NAT10: variants seen among roughly 807,000 people sequenced by gnomAD.
The protein encoded by NAT10 is N-acetyltransferase 10.
Under a neutral mutation model 132.2 loss-of-function variants are expected in NAT10, and 109 were observed. The ratio of observed to expected loss-of-function variants is 0.82; its 90% CI spans 0.71 to 0.97. NAT10 has a LOEUF of 0.97. NAT10 is among the 50% of genes least tolerant of loss of function. NAT10 has a pLI of 0.00. For missense variants in NAT10, 1,184 were observed against 1,263.4 expected (o/e 0.94, Z 0.95); for synonymous variants, 479 against 478.0 (o/e 1.00, Z -0.03).
intron 21 of NAT10, among the ~76,000 whole-genome samples, chr11:34,137,756 G>A (rs916990379): frequency 2.0e-5 from 3 of 152,234 alleles, no homozygotes; most frequent in Admixed American, 1.3e-4. Flanking sequence ...GAGGAATGAA[G>A]AGGAGGACAC....
chr11:34,145,115 G>C (rs1852415800), intron 28 of NAT10, among the ~76,000 whole-genome samples: 1 of 152,218 alleles, frequency 6.6e-6, no homozygotes, highest in Non-Finnish European at 1.5e-5. Context: ...GAGCACGGTG[G>C]CTTTGACTGG....
In NAT10 at chr11:34,105,701, C is replaced by T. The variant is rs1166271376; in HGVS notation, c.-107C>T. The T allele has an allele frequency of 6.6e-6, 1 of 152,370 alleles. No homozygotes were observed. The highest frequency in any genetic ancestry group is 1.5e-5 in the Non-Finnish European group (1 of 68,102). The allele number at this position is 152,370 out of a possible 1,614,324, so 9.4% of individuals were successfully genotyped here. A position where few individuals can be genotyped will look rare whatever the true frequency, so the allele number is the denominator to read the frequency against. Reference sequence around the variant, plus strand: ...CCGGACACCAGGCATACGCTAGGGGCAGTCAGCTGTGCCTTCTCTTTCGGA... The same window carrying T: ...CCGGACACCAGGCATACGCTAGGGGTAGTCAGCTGTGCCTTCTCTTTCGGA... On this transcript the variant is annotated 5_prime_UTR_variant, in exon 1 of 29. Transcript: ENST00000257829.
In NAT10 at chr11:34,139,385, A is replaced by T; in HGVS notation, c.2309A>T (p.Asp770Val). Reference protein sequence around the residue: ...QGGWLAAFWKDFRRRFLALLS... With the variant: ...QGGWLAAFWKVFRRRFLALLS... ...AACTCTGCGTGATGGCACCCCACAGATTTCCGACGGCGGTTCCTAGCCTTG... is the reference window on the plus strand; with the variant it reads ...AACTCTGCGTGATGGCACCCCACAGTTTTCCGACGGCGGTTCCTAGCCTTG... Residue 770 changes from aspartate (D) to valine (V), a missense_variant and splice_region_variant, in exon 23 of 29, where the codon GAT (aspartate) becomes GTT (valine). Coordinates refer to ENST00000257829, the MANE Select transcript of NAT10 (RefSeq NM_024662.3). The T allele has an allele frequency of 1.9e-6, 3 of 1,614,050 alleles. No homozygotes were observed. The highest frequency in any genetic ancestry group is 2.5e-6 in the Non-Finnish European group (3 of 1,179,988).
At chr11:34,132,021 C>T (rs569838843) in intron 14 of NAT10, 104 bp from the exon 15 acceptor site, 1 of 845,256 alleles carries the variant, frequency 1.2e-6, no homozygotes, top group East Asian at 2.4e-5. Context: ...GCTTAGGACA[C>T]TGAGCTCCTG....
At chr11:34,130,642 C>CTGCCTCCT (rs1852087524) in intron 12 of NAT10, among the ~76,000 whole-genome samples, 171 bp from the exon 13 acceptor site, 1 of 152,252 alleles carries the variant, frequency 6.6e-6, no homozygotes, top group African/African-American at 2.4e-5. Flanking sequence ...CCGTGCCACC[C>CTGCCTCCT]TGCCTCCTTT....
intron 21 of NAT10, among the ~76,000 whole-genome samples, chr11:34,137,305 G>C (rs1852234924): frequency 6.6e-6 from 1 of 152,224 alleles, no homozygotes; most frequent in African/African-American, 2.4e-5. Context: ...TGGGAAAGGA[G>C]AGTGGACAGG....
At chr11:34,144,468 T>C (rs1003486962) in intron 28 of NAT10, among the ~76,000 whole-genome samples, 1 of 152,262 alleles carries the variant, frequency 6.6e-6, no homozygotes, top group Non-Finnish European at 1.5e-5. Flanking sequence ...AGCCGGATAC[T>C]AATGTCTGTG....
chr11:34,109,866 C>T (rs560306974), intron 3 of NAT10, among the ~76,000 whole-genome samples: 1 of 152,188 alleles, frequency 6.6e-6, no homozygotes, highest in Non-Finnish European at 1.5e-5. Flanking sequence ...TGTTGTCCCC[C>T]TAGCAGAAAC....
chr11:34,139,388 T>A lies in NAT10; in HGVS notation c.2312T>A (p.Phe771Tyr), dbSNP rs764263367. Reference protein sequence around the residue: ...GGWLAAFWKDFRRRFLALLSY... With the variant: ...GGWLAAFWKDYRRRFLALLSY... Reference sequence around the variant, plus strand: ...TCTGCGTGATGGCACCCCACAGATTTCCGACGGCGGTTCCTAGCCTTGCTC... The same window carrying A: ...TCTGCGTGATGGCACCCCACAGATTACCGACGGCGGTTCCTAGCCTTGCTC... Residue 771 changes from phenylalanine (F) to tyrosine (Y), a missense_variant, in exon 23 of 29, where the codon TTC becomes TAC. Transcript: ENST00000257829. 3.7e-6 allele frequency: 6 copies of A among 1,613,984 alleles called. No homozygotes were observed. The highest frequency in any genetic ancestry group is 5.1e-6 in the Non-Finnish European group (6 of 1,180,010).
At chr11:34,116,858 G>T (rs1196350282) in intron 6 of NAT10, among the ~76,000 whole-genome samples, 2 of 152,148 alleles carry the variant, frequency 1.3e-5, no homozygotes, top group African/African-American at 4.8e-5. Flanking sequence ...GTCTCCCAAA[G>T]TGCTAGGATT....
intron 11 of NAT10, among the ~76,000 whole-genome samples, chr11:34,126,315 G>C (rs1000868952): frequency 6.6e-6 from 1 of 152,104 alleles, no homozygotes; most frequent in East Asian, 1.9e-4. Context: ...TGTCCTTTCA[G>C]TTCATGTGTT....
intron 4 of NAT10, 130 bp downstream of exon 4, chr11:34,112,353 T>G (rs1251150741): frequency 9.1e-7 from 1 of 1,099,314 alleles, no homozygotes; most frequent in Non-Finnish European, 1.3e-6. Flanking sequence ...CCAAGCATTA[T>G]TAGTGGAAGT....
At chr11:34,112,320 G>A in intron 4 of NAT10, 97 bp downstream of exon 4, 1 of 1,432,406 alleles carries the variant, frequency 7.0e-7, no homozygotes, top group South Asian at 1.3e-5. Flanking sequence ...AGTAAGGAGA[G>A]GAGAGTCCCA....
At chr11:34,107,977 T>C (rs1233592452) in intron 1 of NAT10, among the ~76,000 whole-genome samples, 1 of 152,250 alleles carries the variant, frequency 6.6e-6, no homozygotes, top group Non-Finnish European at 1.5e-5. Context: ...AAATATTTAA[T>C]AGAGGTGAAT....
chr11:34,123,936 G>T, intron 10 of NAT10, 81 bp downstream of exon 10: 1 of 1,065,602 alleles, frequency 9.4e-7, no homozygotes, highest in South Asian at 1.3e-5. Context: ...TTGGGAGGCC[G>T]ACGCGGGCGG....
intron 12 of NAT10, among the ~76,000 whole-genome samples, chr11:34,130,274 TTA>T (rs1852081451): frequency 6.6e-6 from 1 of 152,328 alleles, no homozygotes; most frequent in Admixed American, 6.5e-5. Context: ...TTATGTCACC[TTA>T]TAAGTGGGCA....
At chr11:34,132,896 C>G (rs1852130041) in intron 15 of NAT10, 130 bp from the exon 16 acceptor site, 7 of 737,072 alleles carry the variant, frequency 9.5e-6, no homozygotes, top group Non-Finnish European at 1.7e-5. Context: ...AGGTGCTTTG[C>G]TGGACTTCTG....
chr11:34,134,274 A>G (rs749762640), intron 16 of NAT10, 45 bp from the exon 17 acceptor site: 7 of 1,513,306 alleles, frequency 4.6e-6, no homozygotes, highest in Non-Finnish European at 4.6e-6. Flanking sequence ...TGGGCTCTGT[A>G]TCAGAGTTGG....
chr11:34,118,335 GT>G, intron 7 of NAT10, 41 bp downstream of exon 7: 1 of 1,611,332 alleles, frequency 6.2e-7, no homozygotes, highest in Non-Finnish European at 8.5e-7. Context: ...GGGAGGCTAC[GT>G]TTTCTGTGTT....
Sources: allele counts gnomAD v4.1 joint callset (sites outside exome capture counted in the v4.1 genomes callset), GRCh38; gene constraint gnomAD v4.1.1; transcripts MANE v1.5; gene names NCBI Gene and HGNC (gene_info 2026-07-23, HGNC 2026-07-21).